The following PTCHD4 variants were observed in gnomAD, a reference collection of about 807,000 sequenced individuals.
PTCHD4 encodes patched domain containing 4.
A neutral mutation model predicts 58.1 loss-of-function variants in PTCHD4; 33 were observed. The observed-to-expected ratio is 0.57, with a 90% CI of 0.43 to 0.76. The LOEUF (loss-of-function observed/expected upper bound fraction) is 0.76. Among genes scored for constraint, PTCHD4 ranks in the 30% least tolerant of loss-of-function variants. The probability of loss-of-function intolerance (pLI) is 0.00; values close to 1 mark genes in which losing one functional copy is unlikely to be tolerated. For synonymous variants in PTCHD4, 478 were observed against 409.6 expected (o/e 1.17, Z -2.02); for missense variants, 1,058 against 1,027.1 (o/e 1.03, Z -0.41).
intron 4 of PTCHD4, among the ~76,000 whole-genome samples, chr6:47,981,061 G>A (rs1227759448): frequency 1.3e-5 from 2 of 152,046 alleles, no homozygotes; most frequent in African/African-American, 4.8e-5. Context: ...AGTAGTTACT[G>A]CAAGCAGGAG....
In PTCHD4 at chr6:47,865,151, C is replaced by T. The variant is rs551579337; in HGVS notation, c.*13152G>A. The stretch of plus-strand genomic sequence containing the variant: ...TATTGTAGTGTCTCTAGCTATAATA[C>T]GTGCATGTAGATAAGAGTTATATAT... On this transcript the variant is annotated 3_prime_UTR_variant, in exon 5 of 5. Coordinates refer to ENST00000339488, the MANE Select transcript of PTCHD4 (RefSeq NM_001384253.1). Among the ~76,000 whole-genome samples the T allele has an allele frequency of 3.8e-4, 58 of 151,924 alleles. No individual in the cohort carries two copies. Among genetic ancestry groups the T allele is most frequent in the Middle Eastern group, 3.4e-3 (1 of 294 alleles).
At chr6:47,880,001 T>C in intron 4 of PTCHD4, 65 bp from the exon 5 acceptor site, 1 of 1,247,528 alleles carries the variant, frequency 8.0e-7, no homozygotes, top group Non-Finnish European at 1.1e-6. Context: ...AGTGAATTCC[T>C]TATAGTTTAT....
In PTCHD4 at chr6:48,014,741, G is replaced by C. The variant is rs529359889; in HGVS notation, c.418-5627C>G. 1.4e-4 allele frequency among the ~76,000 whole-genome samples: 22 copies of C among 152,218 alleles called. No individual in the cohort carries two copies. In the South Asian group the frequency reaches 4.3e-3, roughly 30 times the overall value. On this transcript the variant is annotated intron_variant, in intron 3 of 4. Coordinates refer to ENST00000339488, the MANE Select transcript of PTCHD4 (RefSeq NM_001384253.1). Reference sequence around the variant, plus strand: ...TCATTAATGGATTATTTGTATAATTGATAAAGATCTTACTTATCACATGAT... The same window carrying C: ...TCATTAATGGATTATTTGTATAATTCATAAAGATCTTACTTATCACATGAT...
At chr6:47,912,642 G>C (rs891871602) in intron 4 of PTCHD4, among the ~76,000 whole-genome samples, 1 of 151,976 alleles carries the variant, frequency 6.6e-6, no homozygotes, top group African/African-American at 2.4e-5. Context: ...AAATGAATAA[G>C]AATTAGTGAC....
intron 1 of PTCHD4, among the ~76,000 whole-genome samples, chr6:48,102,931 C>T (rs145060959): frequency 3.9e-5 from 6 of 152,104 alleles, no homozygotes; most frequent in African/African-American, 1.2e-4. Context: ...TGCTCAGGCT[C>T]GAGTAGGTAA....
At chr6:47,972,764 TTAA>T (rs796081921) in intron 4 of PTCHD4, among the ~76,000 whole-genome samples, 159 of 152,150 alleles carry the variant, frequency 1.0e-3, no homozygotes, top group African/African-American at 3.6e-3. Context: ...TCACCTAATG[TTAA>T]TGATGATGCT....
At chr6:48,043,694 C>A (rs761593661) in intron 3 of PTCHD4, among the ~76,000 whole-genome samples, 3 of 151,786 alleles carry the variant, frequency 2.0e-5, no homozygotes, top group Non-Finnish European at 2.9e-5. Context: ...CTAAGAAATG[C>A]CACCAAAAAT....
At chr6:47,961,206 TG>T (rs1460151148) in intron 4 of PTCHD4, among the ~76,000 whole-genome samples, 1 of 152,092 alleles carries the variant, frequency 6.6e-6, no homozygotes, top group African/African-American at 2.4e-5. Context: ...CTTCAAAAAT[TG>T]GGAAACTATA....
intron 4 of PTCHD4, among the ~76,000 whole-genome samples, chr6:47,995,125 AAGAAAGG>A (rs1320857127): frequency 6.6e-6 from 1 of 152,196 alleles, no homozygotes; most frequent in Non-Finnish European, 1.5e-5. Flanking sequence ...ATAATAAATA[AAGAAAGG>A]AGAAAGAATG....
In PTCHD4 at chr6:47,878,651, T is replaced by G. The variant is rs1355482549; in HGVS notation, c.2184A>C (p.Pro728=). The change falls in exon 5 of 5, where the codon CCA becomes CCC. Residue 728 remains proline, a synonymous_variant. Coordinates refer to ENST00000339488, the MANE Select transcript of PTCHD4 (RefSeq NM_001384253.1). The stretch of plus-strand genomic sequence containing the variant: ...TTGCTAATACAAATGTGAAAAGCAG[T>G]GGTGCACAGTGGTCAATGGCGAAAT... The part of the protein sequence containing the change: ...TLNFAIDHCA[P]LLFTFVLATE... 3 of 1,613,476 alleles carry G rather than the reference T, an allele frequency of 1.9e-6. No individual in the cohort carries two copies. The highest frequency in any genetic ancestry group is 2.5e-6 in the Non-Finnish European group (3 of 1,179,774).
At chr6:48,103,529 A>G (rs1275417273) in intron 1 of PTCHD4, among the ~76,000 whole-genome samples, 1 of 152,188 alleles carries the variant, frequency 6.6e-6, no homozygotes, top group Non-Finnish European at 1.5e-5. Context: ...CAGAAACTCT[A>G]AAAATCAGAG....
intron 1 of PTCHD4, among the ~76,000 whole-genome samples, chr6:48,078,699 T>A (rs958878382): frequency 2.0e-5 from 3 of 152,194 alleles, no homozygotes; most frequent in Non-Finnish European, 2.9e-5. Flanking sequence ...TTTTTACCTT[T>A]CTCTCAGCAG....
chr6:48,035,242 C>T (rs1255313096), intron 3 of PTCHD4, among the ~76,000 whole-genome samples: 1 of 152,030 alleles, frequency 6.6e-6, no homozygotes, highest in East Asian at 1.9e-4. Context: ...CATCTAACAG[C>T]TCAGACTCTA....
chr6:48,043,730 A>G (rs954676616), intron 3 of PTCHD4, among the ~76,000 whole-genome samples: 1 of 151,866 alleles, frequency 6.6e-6, no homozygotes, highest in African/African-American at 2.4e-5. Context: ...TGCAATATTC[A>G]AAAATTAAAA....
chr6:48,062,133 G>A (rs332567), intron 3 of PTCHD4, among the ~76,000 whole-genome samples: 24,267 of 152,090 alleles, frequency 0.16, 2,003 homozygotes, highest in African/African-American at 0.21. Flanking sequence ...CATACACAAT[G>A]TATTTTGAAA....
At chr6:48,000,432 G>A (rs901817789) in intron 4 of PTCHD4, among the ~76,000 whole-genome samples, 22 of 152,234 alleles carry the variant, frequency 1.4e-4, no homozygotes, top group African/African-American at 5.3e-4. Flanking sequence ...TAAGAAAACA[G>A]CAACCATGTT....
intron 1 of PTCHD4, among the ~76,000 whole-genome samples, chr6:48,102,623 T>C (rs1397030055): frequency 6.6e-6 from 1 of 152,166 alleles, no homozygotes; most frequent in Non-Finnish European, 1.5e-5. Flanking sequence ...TGCAGGACAG[T>C]GGGTGCAGTG....
rs190198065 is a variant in PTCHD4, at chr6:47,863,151, A to T, written c.*15152T>A. 6.6e-6 allele frequency among the ~76,000 whole-genome samples: 1 copy of T among 151,894 alleles called. No individual in the cohort carries two copies. On this transcript the variant is annotated 3_prime_UTR_variant, in exon 5 of 5. Transcript: ENST00000339488. Reference sequence around the variant, plus strand: ...GATTTTTGTGTTGTATCTGAGACTTATGTGGTCCCACATGCAGGGGCAGAT... The same window carrying T: ...GATTTTTGTGTTGTATCTGAGACTTTTGTGGTCCCACATGCAGGGGCAGAT...
At chr6:47,975,260 C>T (rs1490265836) in intron 4 of PTCHD4, among the ~76,000 whole-genome samples, 1 of 152,162 alleles carries the variant, frequency 6.6e-6, no homozygotes, top group Admixed American at 6.5e-5. Flanking sequence ...AATGACTAAT[C>T]CACTTGAAAA....
Sources: allele counts gnomAD v4.1 joint callset (sites outside exome capture counted in the v4.1 genomes callset), GRCh38; gene constraint gnomAD v4.1.1; transcripts MANE v1.5; gene names NCBI Gene and HGNC (gene_info 2026-07-23, HGNC 2026-07-21).